FOXN3: variants seen among roughly 807,000 people sequenced by gnomAD.
FOXN3 encodes forkhead box N3, also known as forkhead box protein N3.
In FOXN3, 7 loss-of-function variants were observed where a neutral mutation model predicts 38.4. That is an observed-to-expected ratio of 0.18 (90% CI 0.10 to 0.34). The LOEUF is 0.34. Ranked by LOEUF, FOXN3 falls within the 10% of genes least tolerant of loss-of-function variation. FOXN3 has a pLI of 1.00. For missense variants in FOXN3, 456 were observed against 613.4 expected (o/e 0.74, Z 2.71); for synonymous variants, 230 against 242.2 (o/e 0.95, Z 0.47).
At chr14:89,580,207 A>G (rs1895716672) in intron 1 of FOXN3, among the ~76,000 whole-genome samples, 1 of 152,238 alleles carries the variant, frequency 6.6e-6, no homozygotes. Flanking sequence ...AGGAACTTGT[A>G]TTCGGCTCTT....
intron 2 of FOXN3, among the ~76,000 whole-genome samples, chr14:89,366,122 G>A (rs1012650053): frequency 5.3e-5 from 8 of 152,208 alleles, no homozygotes; most frequent in East Asian, 1.9e-4. Context: ...GTGTGGTGGC[G>A]GATGCCTGTA....
intron 1 of FOXN3, among the ~76,000 whole-genome samples, chr14:89,497,618 G>A (rs1050614659): frequency 1.3e-5 from 2 of 151,554 alleles, no homozygotes; most frequent in Non-Finnish European, 2.9e-5. Context: ...GTTGAGGCTG[G>A]TCTCGAACTC....
At chr14:89,427,301 CT>C (rs34755821) in intron 1 of FOXN3, among the ~76,000 whole-genome samples, 979 of 67,684 alleles carry the variant, frequency 0.014, 5 homozygotes, top group South Asian at 0.02. Context: ...GAAAAGGGGA[CT>C]TTTTTTTTTT....
chr14:89,316,372 ATTC>A (rs137854995), intron 3 of FOXN3, among the ~76,000 whole-genome samples: 4 of 151,542 alleles, frequency 2.6e-5, no homozygotes, highest in African/African-American at 4.9e-5. Context: ...GCAAACAATG[ATTC>A]TTCTTCTTCT....
chr14:89,280,674 C>T lies in FOXN3; in HGVS notation c.745+276G>A, dbSNP rs142921808. 6.2e-3 allele frequency among the ~76,000 whole-genome samples: 942 copies of T among 152,178 alleles called. 3 individuals carry two copies. The highest frequency in any genetic ancestry group is 0.011 in the Non-Finnish European group (762 of 68,002). ...TAATTCCAACATCACCAAAGCAAGC[C>T]GAACACTTCCAGAATATGAACAGTG... On this transcript the variant is annotated intron_variant, in intron 4 of 5. Transcript: ENST00000557258.
At chr14:89,615,061 T>C (rs546377911) in intron 1 of FOXN3, among the ~76,000 whole-genome samples, 1 of 152,132 alleles carries the variant, frequency 6.6e-6, no homozygotes, top group Non-Finnish European at 1.5e-5. Flanking sequence ...AAGTTAAAAT[T>C]TGTTTTTCTC....
At chr14:89,610,237 C>A (rs1291728356) in intron 1 of FOXN3, among the ~76,000 whole-genome samples, 1 of 152,242 alleles carries the variant, frequency 6.6e-6, no homozygotes, top group Non-Finnish European at 1.5e-5. Flanking sequence ...GCCAGCCCAA[C>A]TGCCACCTGC....
chr14:89,337,558 AG>A (rs1476433691), intron 3 of FOXN3, among the ~76,000 whole-genome samples: 1 of 152,164 alleles, frequency 6.6e-6, no homozygotes, highest in Non-Finnish European at 1.5e-5. Context: ...TTCTTTTCAA[AG>A]GAATAATGAA....
At chr14:89,169,995 A>G (rs796475015) in intron 5 of FOXN3, among the ~76,000 whole-genome samples, 3 of 152,346 alleles carry the variant, frequency 2.0e-5, no homozygotes, top group African/African-American at 7.2e-5. Flanking sequence ...TGCAAGAGAC[A>G]ATCCTAAATA....
At chr14:89,340,716 G>C (rs767453150) in intron 3 of FOXN3, among the ~76,000 whole-genome samples, 12 of 152,064 alleles carry the variant, frequency 7.9e-5, no homozygotes, top group Non-Finnish European at 1.3e-4. Context: ...GGGGAGGTTG[G>C]GATGATTTGA....
rs1268906594 is a variant in FOXN3 at position 89,158,768 on chromosome 14, G to A, written c.*3646C>T. On this transcript the variant is annotated 3_prime_UTR_variant, in exon 6 of 6. Coordinates refer to ENST00000557258, the MANE Select transcript of FOXN3 (RefSeq NM_005197.4). ...CTGTCTCTTTCTCTTAAATGTATCC[G>A]AGGGCCAATAGCAAGTAATCGTAGA... 2 of 152,452 alleles carry A rather than the reference G, an allele frequency of 1.3e-5. No homozygotes were observed. Among genetic ancestry groups the A allele is most frequent in the African/African-American group, 2.4e-5 (1 of 41,376 alleles). 9.4% of individuals were successfully genotyped at this position (152,452 alleles called of 1,614,324 possible). A position where few individuals can be genotyped will look rare whatever the true frequency, so the allele number is the denominator to read the frequency against.
intron 4 of FOXN3, among the ~76,000 whole-genome samples, chr14:89,251,328 A>G (rs1885448299): frequency 6.6e-6 from 1 of 152,234 alleles, no homozygotes; most frequent in Non-Finnish European, 1.5e-5. Flanking sequence ...CCTTCTGCCT[A>G]GAATCCTTTA....
At chr14:89,431,417 G>T (rs374930744) in intron 1 of FOXN3, among the ~76,000 whole-genome samples, 41 of 152,028 alleles carry the variant, frequency 2.7e-4, no homozygotes, top group African/African-American at 9.4e-4. Context: ...CACCATGTTG[G>T]CCAGGCCGGT....
chr14:89,197,720 A>AG (rs1394885665), intron 4 of FOXN3, among the ~76,000 whole-genome samples: 1 of 152,208 alleles, frequency 6.6e-6, no homozygotes, highest in Non-Finnish European at 1.5e-5. Context: ...ATAAGCCTCC[A>AG]GATGTGCAGT....
chr14:89,422,051 CTGT>C (rs1366862863), upstream of FOXN3, among the ~76,000 whole-genome samples: 1 of 151,758 alleles, frequency 6.6e-6, no homozygotes, highest in Non-Finnish European at 1.5e-5. Flanking sequence ...GCTAATTTTT[CTGT>C]AGAGATGGGG....
At chr14:89,400,399 G>C (rs1187656171) in intron 2 of FOXN3, among the ~76,000 whole-genome samples, 1 of 152,142 alleles carries the variant, frequency 6.6e-6, no homozygotes, top group Non-Finnish European at 1.5e-5. Context: ...TCTCCACAGA[G>C]CTTGAAACTC....
chr14:89,348,636 C>T (rs1227903531), intron 3 of FOXN3, among the ~76,000 whole-genome samples: 1 of 152,042 alleles, frequency 6.6e-6, no homozygotes, highest in Admixed American at 6.5e-5. Flanking sequence ...CTAAGCACCG[C>T]ATGGGCAGAA....
At chr14:89,560,714 GA>G (rs1357731840) in intron 1 of FOXN3, among the ~76,000 whole-genome samples, 20 of 152,182 alleles carry the variant, frequency 1.3e-4, no homozygotes, top group African/African-American at 4.6e-4. Context: ...ATATTCAAAA[GA>G]AAAGTAAAAG....
intron 4 of FOXN3, among the ~76,000 whole-genome samples, chr14:89,228,340 G>A (rs892500749): frequency 2.0e-5 from 3 of 152,126 alleles, no homozygotes; most frequent in East Asian, 1.9e-4. Context: ...GTTCTTCCAC[G>A]TTCTGGGTTA....
Sources: allele counts gnomAD v4.1 joint callset (sites outside exome capture counted in the v4.1 genomes callset), GRCh38; gene constraint gnomAD v4.1.1; transcripts MANE v1.5; gene names NCBI Gene and HGNC (gene_info 2026-07-23, HGNC 2026-07-21).